Variants in OR11G2 observed in about 807,000 individuals in gnomAD.
The protein encoded by OR11G2 is olfactory receptor 11G2.
A neutral mutation model predicts 0.9 loss-of-function variants in OR11G2; 2 were observed. The observed-to-expected ratio is 2.35, with a 90% CI of 0.96 to 7.38. The LOEUF is 7.38. Ranked by LOEUF, OR11G2 falls within the 30% of genes most tolerant of loss-of-function variation. OR11G2 has a pLI of 0.05. For missense variants in OR11G2, 395 were observed against 371.3 expected (o/e 1.06, Z -0.52); for synonymous variants, 153 against 142.0 (o/e 1.08, Z -0.55).
Position 20,200,642 on chromosome 14 carries a change from CACCTCAACTTTTAAGTTGTTTA to C in OR11G2, c.*2274_*2295del, listed in dbSNP as rs1250185138. 1 of 152,178 alleles carries C rather than the reference CACCTCAACTTTTAAGTTGTTTA, an allele frequency of 6.6e-6. No homozygotes were observed. Among genetic ancestry groups the C allele is most frequent in the Non-Finnish European group, 1.5e-5 (1 of 68,036 alleles). The allele number at this position is 152,178 out of a possible 1,614,324, so 9.4% of individuals were successfully genotyped here. On this transcript the variant is annotated 3_prime_UTR_variant, in exon 2 of 2. Transcript: ENST00000641879. ...AGAAGACACATATCCTTTAAAACAG[CACCTCAACTTTTAAGTTGTTTA>C]ACCTACAGATATTTTTACACATGTG... is the stretch of plus-strand genomic sequence containing the variant.
At chr14:20,194,164 G>A (rs1378071692) in intron 1 of OR11G2, among the ~76,000 whole-genome samples, 3 of 152,170 alleles carry the variant, frequency 2.0e-5, no homozygotes, top group Admixed American at 6.5e-5. Flanking sequence ...TATTCAAAGA[G>A]CATTGGGAAG....
chr14:20,193,983 T>A (rs985718727), intron 1 of OR11G2, among the ~76,000 whole-genome samples: 5 of 152,126 alleles, frequency 3.3e-5, no homozygotes, highest in African/African-American at 1.2e-4. Context: ...CCTTATTTTA[T>A]ATTTGCAGCG....
intron 1 of OR11G2, among the ~76,000 whole-genome samples, chr14:20,194,570 A>G (rs562161920): frequency 6.6e-6 from 1 of 152,310 alleles, no homozygotes; most frequent in East Asian, 1.9e-4. Context: ...AAATTTTAGG[A>G]ACACTAGCAA....
At chr14:20,196,840 G>C (rs1879762037) in intron 1 of OR11G2, among the ~76,000 whole-genome samples, 1 of 152,158 alleles carries the variant, frequency 6.6e-6, no homozygotes, top group Non-Finnish European at 1.5e-5. Context: ...TCCTCTAATT[G>C]ATTTGACTGT....
rs1482753085 is a variant in OR11G2, at chr14:20,197,785, C to A, written c.348C>A (p.Cys116Ter). 2 of 1,613,940 alleles carry A rather than the reference C, an allele frequency of 1.2e-6. No homozygotes were observed. The highest frequency in any genetic ancestry group is 1.1e-5 in the South Asian group (1 of 91,084). ...YFFFSLGSTE[C>*]FFLAVMAFDR... is the part of the protein sequence containing the mutation. ...TCTTCTCCTTGGGCTCTACAGAATGCTTTTTCCTGGCAGTTATGGCATTTG... is the reference window on the plus strand; with the variant it reads ...TCTTCTCCTTGGGCTCTACAGAATGATTTTTCCTGGCAGTTATGGCATTTG... Residue 116 changes from cysteine to a stop codon, truncating the protein, a stop_gained, in exon 2 of 2, where the codon TGC (cysteine) becomes TGA (stop). Coordinates refer to ENST00000641879, the MANE Select transcript of OR11G2 (RefSeq NM_001386033.1). LOFTEE classifies it low-confidence loss of function (END_TRUNC).
rs1356871080 is a variant in OR11G2, at chr14:20,197,669, G to A, written c.232G>A (p.Val78Ile). ...ANFSFLEICY[V>I]TSTVPSMLAN... ...CTTCTCCTTCTTGGAGATATGTTAT[G>A]TCACCTCCACAGTCCCCAGCATGCT... is the stretch of plus-strand genomic sequence containing the variant. The change falls in exon 2 of 2, where the codon GTC becomes ATC. Residue 78 changes from valine to isoleucine, a missense_variant. Transcript: ENST00000641879. 1 of 1,613,820 alleles carries A rather than the reference G, an allele frequency of 6.2e-7. No individual in the cohort carries two copies. Among genetic ancestry groups the A allele is most frequent in the East Asian group, 2.2e-5 (1 of 44,884 alleles).
rs565105006 is a variant in OR11G2 at position 20,191,961 on chromosome 14, C to T, written c.-5+295C>T. On this transcript the variant is annotated intron_variant, in intron 1 of 1. Transcript: ENST00000641879. ...AAGCTGGAGTGCAGTGGCACGATCA[C>T]GGCTCACCACAACCTCTGCCTCCCG... Among the ~76,000 whole-genome samples the T allele has an allele frequency of 6.6e-5, 10 of 150,552 alleles. No individual in the cohort carries two copies. In the South Asian group the frequency reaches 1.7e-3, roughly 25 times the overall value.
intron 1 of OR11G2, among the ~76,000 whole-genome samples, chr14:20,192,649 T>A (rs914500229): frequency 1.3e-5 from 2 of 152,212 alleles, no homozygotes; most frequent in Non-Finnish European, 2.9e-5. Flanking sequence ...AAATTTCATC[T>A]CTCCTTCATT....
chr14:20,192,082 G>A (rs548561550), intron 1 of OR11G2, among the ~76,000 whole-genome samples: 10 of 152,058 alleles, frequency 6.6e-5, no homozygotes, highest in African/African-American at 1.9e-4. Context: ...TAGTAAAAAC[G>A]AGGTTTCAAC....
In OR11G2 at chr14:20,191,862, G is replaced by A. The variant is rs139562480; in HGVS notation, c.-5+196G>A. Among the ~76,000 whole-genome samples the A allele has an allele frequency of 9.0e-3, 1,343 of 149,238 alleles. 13 individuals carry two copies. Among genetic ancestry groups the A allele is most frequent in the Non-Finnish European group, 0.013 (898 of 67,636 alleles). ...GAACTTGCCTGGAAATTTTGCCTTCGTGTATAAATGTCAAACTACCCAACT... is the reference window on the plus strand; with the variant it reads ...GAACTTGCCTGGAAATTTTGCCTTCATGTATAAATGTCAAACTACCCAACT... On this transcript the variant is annotated intron_variant, in intron 1 of 1. Coordinates refer to ENST00000641879, the MANE Select transcript of OR11G2 (RefSeq NM_001386033.1).
Position 20,197,425 on chromosome 14 carries a change from A to T in OR11G2, c.-4-9A>T. 6.2e-7 allele frequency: 1 copy of T among 1,613,598 alleles called. No individual in the cohort carries two copies. The highest frequency in any genetic ancestry group is 8.5e-7 in the Non-Finnish European group (1 of 1,179,650). Reference sequence around the variant, plus strand: ...ATTCAGTAATTGCTGGTGCTTTTACAATTCACAGGCACATGAAAATCTTCA... The same window carrying T: ...ATTCAGTAATTGCTGGTGCTTTTACTATTCACAGGCACATGAAAATCTTCA... On this transcript the variant is annotated splice_polypyrimidine_tract_variant and intron_variant, in intron 1 of 1. Transcript: ENST00000641879.
chr14:20,199,956 A>C lies in OR11G2; in HGVS notation c.*1583A>C, dbSNP rs1250003269. 6.6e-6 allele frequency: 1 copy of C among 152,048 alleles called. No individual in the cohort carries two copies. Among genetic ancestry groups the C allele is most frequent in the Non-Finnish European group, 1.5e-5 (1 of 68,000 alleles). 9.4% of individuals were successfully genotyped at this position (152,048 alleles called of 1,614,324 possible). On this transcript the variant is annotated 3_prime_UTR_variant, in exon 2 of 2. Transcript: ENST00000641879. ...CTTTTTTTAATGGAAGGCACCCAGTAATTGTAGATCAGTAAAAATAGTCAC... is the reference window on the plus strand; with the variant it reads ...CTTTTTTTAATGGAAGGCACCCAGTCATTGTAGATCAGTAAAAATAGTCAC...
At position 20,198,133 on chromosome 14, in the gene OR11G2, C is replaced by A. The variant is rs751636499; in HGVS notation, c.696C>A (p.Val232=). 1.2e-6 allele frequency: 2 copies of A among 1,614,062 alleles called. No individual in the cohort carries two copies. The highest frequency in any genetic ancestry group is 1.3e-5 in the African/African-American group (1 of 75,000). Residue 232 remains valine (V), a synonymous_variant, in exon 2 of 2, where the codon GTC becomes GTA. Coordinates refer to ENST00000641879, the MANE Select transcript of OR11G2 (RefSeq NM_001386033.1). The stretch of plus-strand genomic sequence containing the variant: ...TGGTCGTGAGAGCTGTGTTGAGGGT[C>A]CCTTCAGCAGCTGGGAGAAGAAAGG... ...YALVVRAVLR[V]PSAAGRRKAF... is the part of the protein sequence containing the mutation.
chr14:20,197,328 G>A (rs750805474), intron 1 of OR11G2, 106 bp from the exon 2 acceptor site: 2 of 1,433,584 alleles, frequency 1.4e-6, no homozygotes, highest in South Asian at 2.7e-5. Flanking sequence ...TATTTCAATA[G>A]TAAATTTATG....
Position 20,197,924 on chromosome 14 carries a change from C to A in OR11G2, c.487C>A (p.Pro163Thr). The change falls in exon 2 of 2, where the codon CCT becomes ACT. Residue 163 changes from proline to threonine, a missense_variant. Physicochemically the swap from Pro to Thr is conservative, Grantham distance 38. Coordinates refer to ENST00000641879, the MANE Select transcript of OR11G2 (RefSeq NM_001386033.1). Reference sequence around the variant, plus strand: ...ACTTGGTTTCATCTGGTTCTTGATTCCTATCGTCAACATCTCCCAAATGTC... The same window carrying A: ...ACTTGGTTTCATCTGGTTCTTGATTACTATCGTCAACATCTCCCAAATGTC... The part of the protein sequence containing the change: ...WVLGFIWFLI[P>T]IVNISQMSFC... The A allele has an allele frequency of 6.2e-7, 1 of 1,614,006 alleles. No individual in the cohort carries two copies. Among genetic ancestry groups the A allele is most frequent in the Non-Finnish European group, 8.5e-7 (1 of 1,179,940 alleles).
intron 1 of OR11G2, among the ~76,000 whole-genome samples, chr14:20,194,512 A>G (rs1879714244): frequency 6.6e-6 from 1 of 152,254 alleles, no homozygotes; most frequent in Non-Finnish European, 1.5e-5. Flanking sequence ...CATTTAATCC[A>G]AGAAGTCAAA....
intron 1 of OR11G2, among the ~76,000 whole-genome samples, chr14:20,195,345 G>C (rs945304477): frequency 1.3e-5 from 2 of 152,136 alleles, no homozygotes; most frequent in Non-Finnish European, 2.9e-5. Context: ...TTCAAGACCA[G>C]CCTGGCCAAC....
rs939751330 is a variant in OR11G2, at chr14:20,191,431, A to G, written c.-240A>G. On this transcript the variant is annotated 5_prime_UTR_variant, in exon 1 of 2. Coordinates refer to ENST00000641879, the MANE Select transcript of OR11G2 (RefSeq NM_001386033.1). ...GCTAACTTAATGTGGGTCTAATCCA[A>G]CATTTCTGAGATATAATGAGGGTGA... The G allele has an allele frequency of 3.9e-4, 60 of 152,226 alleles. No homozygotes were observed. The highest frequency in any genetic ancestry group is 1.4e-3 in the African/African-American group (60 of 41,460). The allele number at this position is 152,226 out of a possible 1,614,324, so 9.4% of individuals were successfully genotyped here. A position where few individuals can be genotyped will look rare whatever the true frequency, so the allele number is the denominator to read the frequency against.
At position 20,198,369 on chromosome 14, in the gene OR11G2, C is replaced by T; in HGVS notation, c.932C>T (p.Thr311Ile). 6.5e-7 allele frequency: 1 copy of T among 1,541,082 alleles called. No individual in the cohort carries two copies. The highest frequency in any genetic ancestry group is 8.7e-7 in the Non-Finnish European group (1 of 1,146,832). ...MRKALKKFWG[T>I] The stretch of plus-strand genomic sequence containing the variant: ...AAAGCTCTGAAGAAATTTTGGGGAA[C>T]ATAAAATGTTAATCAAAAAGGTCCT... The change falls in exon 2 of 2, where the codon ACA becomes ATA. Residue 311 changes from threonine to isoleucine, a missense_variant. Thr to Ile is a moderately conservative substitution (Grantham distance 89, BLOSUM62 -1). Coordinates refer to ENST00000641879, the MANE Select transcript of OR11G2 (RefSeq NM_001386033.1).
Sources: allele counts gnomAD v4.1 joint callset (sites outside exome capture counted in the v4.1 genomes callset), GRCh38; gene constraint gnomAD v4.1.1; transcripts MANE v1.5; gene names NCBI Gene and HGNC (gene_info 2026-07-23, HGNC 2026-07-21).